The following SLC5A3 variants were observed in gnomAD, a reference collection of about 807,000 sequenced individuals.
SLC5A3 encodes sodium/myo-inositol cotransporter.
In SLC5A3, 10 loss-of-function variants were observed where a neutral mutation model predicts 43.2. The observed-to-expected ratio is 0.23, with a 90% CI of 0.14 to 0.39. SLC5A3 has a LOEUF of 0.39. Ranked by LOEUF, SLC5A3 falls within the 10% of genes least tolerant of loss-of-function variation. The probability of loss-of-function intolerance (pLI) is 1.00; values close to 1 mark genes in which losing one functional copy is unlikely to be tolerated. For synonymous variants in SLC5A3, 349 were observed against 322.0 expected, an observed-to-expected ratio of 1.08 and a Z score of -0.90; for missense variants, 608 against 893.4, an observed-to-expected ratio of 0.68 and a Z score of 4.07.
chr21:34,081,393 GTATA>G (rs1989455786), intron 1 of SLC5A3, among the ~76,000 whole-genome samples: 1 of 152,142 alleles, frequency 6.6e-6, no homozygotes, highest in African/African-American at 2.4e-5. Flanking sequence ...CTTAAGGTAC[GTATA>G]TATAGTTTTA....
rs1979284553 is a variant in SLC5A3 at position 34,102,439 on chromosome 21, A to T, written c.*5084A>T. The T allele has an allele frequency of 1.0e-6, 1 of 1,000,036 alleles. No homozygotes were observed. The highest frequency in any genetic ancestry group is 1.7e-5 in the African/African-American group (1 of 57,326). 61.9% of individuals were successfully genotyped at this position (1,000,036 alleles called of 1,614,324 possible). A position where few individuals can be genotyped will look rare whatever the true frequency, so the allele number is the denominator to read the frequency against. On this transcript the variant is annotated 3_prime_UTR_variant, in exon 2 of 2. Transcript: ENST00000381151. The stretch of plus-strand genomic sequence containing the variant: ...GGATTAGTTTTTTTGTTTTGGGGTA[A>T]GCACCTAATTTATCCAGTAACCAAC...
At chr21:34,089,547 G>T (rs939833403) in intron 1 of SLC5A3, among the ~76,000 whole-genome samples, 6 of 152,034 alleles carry the variant, frequency 3.9e-5, no homozygotes, top group African/African-American at 1.4e-4. Context: ...ATATATCTTG[G>T]GCGGAGTGTA....
chr21:34,074,102 G>A (rs1989260248), intron 1 of SLC5A3, among the ~76,000 whole-genome samples: 1 of 148,266 alleles, frequency 6.7e-6, no homozygotes, highest in Non-Finnish European at 1.5e-5. Flanking sequence ...GACACGCGCG[G>A]GCGCCCAGCC....
Position 34,101,068 on chromosome 21 carries a change from G to T in SLC5A3, c.*3713G>T, listed in dbSNP as rs1198201784. The T allele has an allele frequency of 6.0e-6, 6 of 999,970 alleles. No individual in the cohort carries two copies. Among genetic ancestry groups the T allele is most frequent in the Non-Finnish European group, 7.2e-6 (6 of 829,912 alleles). The allele number at this position is 999,970 out of a possible 1,614,324, so 61.9% of individuals were successfully genotyped here. ...GGTTTGGATAGAGAGATGTATACAAGACCTTTCCTGTTAAATTACGTGACT... is the reference window on the plus strand; with the variant it reads ...GGTTTGGATAGAGAGATGTATACAATACCTTTCCTGTTAAATTACGTGACT... On this transcript the variant is annotated 3_prime_UTR_variant, in exon 2 of 2. Coordinates refer to ENST00000381151, the MANE Select transcript of SLC5A3 (RefSeq NM_006933.7).
intron 1 of SLC5A3, among the ~76,000 whole-genome samples, chr21:34,075,701 A>G (rs944342800): frequency 6.6e-6 from 1 of 152,222 alleles, no homozygotes; most frequent in Non-Finnish European, 1.5e-5. Context: ...ATAAAGTAAT[A>G]TTAAACAATA....
intron 1 of SLC5A3, among the ~76,000 whole-genome samples, chr21:34,092,757 C>T (rs966760601): frequency 3.3e-5 from 5 of 152,180 alleles, no homozygotes; most frequent in Admixed American, 6.5e-5. Context: ...ACATAACCCA[C>T]CCTATTTCCC....
In SLC5A3 at chr21:34,104,974, A is replaced by G. The variant is rs1245636219; in HGVS notation, c.*7619A>G. On this transcript the variant is annotated 3_prime_UTR_variant, in exon 2 of 2. Transcript: ENST00000381151. ...GAAAAGTAGTCCTAGCAGTGTAAAT[A>G]TGTATAATTAGAGTTTTCTAATTTC... 1.0e-6 allele frequency: 1 copy of G among 999,484 alleles called. No homozygotes were observed. Among genetic ancestry groups the G allele is most frequent in the East Asian group, 1.1e-4 (1 of 8,830 alleles). The allele number at this position is 999,484 out of a possible 1,614,324, so 61.9% of individuals were successfully genotyped here.
chr21:34,081,499 G>T (rs1989458122), intron 1 of SLC5A3, among the ~76,000 whole-genome samples: 1 of 152,142 alleles, frequency 6.6e-6, no homozygotes, highest in African/African-American at 2.4e-5. Context: ...GAAAAACCTT[G>T]TAAGATCTGA....
intron 1 of SLC5A3, among the ~76,000 whole-genome samples, chr21:34,081,295 C>G (rs1989453330): frequency 6.6e-6 from 1 of 152,094 alleles, no homozygotes; most frequent in Admixed American, 6.5e-5. Context: ...GTCATCGATT[C>G]CATTCTCCAA....
chr21:34,103,006 TAG>T lies in SLC5A3; in HGVS notation c.*5652_*5653del. ...TACTTTTTATTGCTCTTAGACAGAG[TAG>T]TCTAGATAAGTTTTCAATTTATCAA... On this transcript the variant is annotated 3_prime_UTR_variant, in exon 2 of 2. Transcript: ENST00000381151. 1.0e-6 allele frequency: 1 copy of T among 999,518 alleles called. No homozygotes were observed. The highest frequency in any genetic ancestry group is 1.1e-4 in the East Asian group (1 of 8,812). 61.9% of individuals were successfully genotyped at this position (999,518 alleles called of 1,614,324 possible). A position where few individuals can be genotyped will look rare whatever the true frequency, so the allele number is the denominator to read the frequency against.
At position 34,101,487 on chromosome 21, in the gene SLC5A3, G is replaced by GCAGA; in HGVS notation, c.*4134_*4137dup. On this transcript the variant is annotated 3_prime_UTR_variant, in exon 2 of 2. Transcript: ENST00000381151. ...CATTTCAGTGTTGATAATAGCCTGA[G>GCAGA]CAGACTTCTTTACAAATGGGATCTG... 1.0e-6 allele frequency: 1 copy of GCAGA among 1,000,072 alleles called. No homozygotes were observed. Among genetic ancestry groups the GCAGA allele is most frequent in the Non-Finnish European group, 1.2e-6 (1 of 829,870 alleles). 61.9% of individuals were successfully genotyped at this position (1,000,072 alleles called of 1,614,324 possible).
rs1405397956 is a variant in SLC5A3 at position 34,073,678 on chromosome 21, C to T, written c.-404C>T. 1.3e-6 allele frequency: 2 copies of T among 1,515,160 alleles called. No homozygotes were observed. The highest frequency in any genetic ancestry group is 1.9e-5 in the Admixed American group (1 of 53,992). The allele number at this position is 1,515,160 out of a possible 1,614,324, so 93.9% of individuals were successfully genotyped here. A position where few individuals can be genotyped will look rare whatever the true frequency, so the allele number is the denominator to read the frequency against. On this transcript the variant is annotated 5_prime_UTR_variant, in exon 1 of 2. Transcript: ENST00000381151. ...TCCCGGGAACCGGCTGGCTTCCGAG[C>T]CGCACTCGCCGATCCTCCAGGCATG...
rs1329873209 is a variant in SLC5A3 at position 34,104,716 on chromosome 21, T to G, written c.*7361T>G. 7 of 999,798 alleles carry G rather than the reference T, an allele frequency of 7.0e-6. No individual in the cohort carries two copies. Among genetic ancestry groups the G allele is most frequent in the African/African-American group, 1.7e-5 (1 of 57,224 alleles). The allele number at this position is 999,798 out of a possible 1,614,324, so 61.9% of individuals were successfully genotyped here. On this transcript the variant is annotated 3_prime_UTR_variant, in exon 2 of 2. Transcript: ENST00000381151. ...CCTGGGGGGATGAGGGGAAGAAGAT[T>G]ACCAGAAGTGCAGGAAAGAGAAGTT...
In SLC5A3 at chr21:34,100,491, C is replaced by G; in HGVS notation, c.*3136C>G. On this transcript the variant is annotated 3_prime_UTR_variant, in exon 2 of 2. Coordinates refer to ENST00000381151, the MANE Select transcript of SLC5A3 (RefSeq NM_006933.7). ...TAGCAATGGTGCTGTGTCCTTCGGC[C>G]TAAATTCAATAGATCTCATCTCCTA... 2.0e-6 allele frequency: 2 copies of G among 1,000,204 alleles called. No homozygotes were observed. The highest frequency in any genetic ancestry group is 2.4e-6 in the Non-Finnish European group (2 of 829,972). The allele number at this position is 1,000,204 out of a possible 1,614,324, so 62.0% of individuals were successfully genotyped here.
In SLC5A3 at chr21:34,100,790, A is replaced by G; in HGVS notation, c.*3435A>G. The G allele has an allele frequency of 1.0e-6, 1 of 1,000,176 alleles. No homozygotes were observed. Among genetic ancestry groups the G allele is most frequent in the Non-Finnish European group, 1.2e-6 (1 of 829,974 alleles). The allele number at this position is 1,000,176 out of a possible 1,614,324, so 62.0% of individuals were successfully genotyped here. On this transcript the variant is annotated 3_prime_UTR_variant, in exon 2 of 2. Transcript: ENST00000381151. ...CATTTTCTTTATAGTAGGCATATGG[A>G]TCTTCCCCTCTGACTTTGAATATCA...
At chr21:34,079,602 ATTTTTTTTT>A (rs398036389) in intron 1 of SLC5A3, among the ~76,000 whole-genome samples, 6 of 43,680 alleles carry the variant, frequency 1.4e-4, no homozygotes, top group East Asian at 1.4e-3. Context: ...GACCCAGCTA[ATTTTTTTTT>A]TTTTTTTTTT....
At chr21:34,091,068 A>G (rs1026906335) in intron 1 of SLC5A3, among the ~76,000 whole-genome samples, 9 of 152,226 alleles carry the variant, frequency 5.9e-5, no homozygotes, top group African/African-American at 9.6e-5. Context: ...TAACCCTTCA[A>G]TTATTAGCTG....
chr21:34,095,952 C>A lies in SLC5A3; in HGVS notation c.754C>A (p.Arg252=), dbSNP rs771045515. ...TAAGAAAGAAGCCCTGAAAATGCTG[C>A]GGAATCCAACAGATGAAGATGTTCC... ...SPKKEALKML[R]NPTDEDVPWP... is the part of the protein sequence containing the mutation. Residue 252 remains arginine, a synonymous_variant, in exon 2 of 2, where the codon CGG becomes AGG. Transcript: ENST00000381151. 6.2e-7 allele frequency: 1 copy of A among 1,614,060 alleles called. No homozygotes were observed.
chr21:34,097,251 T>G lies in SLC5A3; in HGVS notation c.2053T>G (p.Leu685Val). Residue 685 changes from leucine (L) to valine (V), a missense_variant, in exon 2 of 2, where the codon TTA becomes GTA. Around this residue, in one of 2 missense-constraint regions of SLC5A3, gnomAD observed 210 missense variants for 224.8 expected, o/e 0.93. Transcript: ENST00000381151. ...CCTGATGGAAGAGGAGGCTGTTTGT[T>G]TACAGATGCTAGAAGAGACTCGGCA... ...RDLMEEEAVC[L>V]QMLEETRQVK... The G allele has an allele frequency of 6.2e-7, 1 of 1,614,066 alleles. No homozygotes were observed.
Sources: gnomAD v4.1 joint callset for allele counts (sites outside exome capture counted in the v4.1 genomes callset) on GRCh38, gnomAD v4.1.1 for gene constraint, gnomAD v4.1.1 regional missense constraint, MANE v1.5 for transcripts, NCBI Gene and HGNC (gene_info 2026-07-23, HGNC 2026-07-21) for gene names.